The following TESK1 variants were observed in gnomAD, a reference collection of about 807,000 sequenced individuals.
TESK1 encodes the protein testis associated actin remodelling kinase 1.
Under a neutral mutation model 59.9 loss-of-function variants are expected in TESK1, and 18 were observed. The ratio of observed to expected loss-of-function variants is 0.30; its 90% CI spans 0.21 to 0.45. The LOEUF is 0.45. TESK1 is among the 20% of genes least tolerant of loss of function. The probability of loss-of-function intolerance (pLI) is 1.00; values close to 1 mark genes in which losing one functional copy is unlikely to be tolerated. For synonymous variants in TESK1, 341 were observed against 357.4 expected (o/e 0.95, Z 0.52); for missense variants, 748 against 840.9 (o/e 0.89, Z 1.37).
At position 35,610,001 on chromosome 9, in the gene TESK1, T is replaced by G; in HGVS notation, c.*259T>G. The G allele has an allele frequency of 2.3e-6, 1 of 433,052 alleles. No homozygotes were observed. The highest frequency in any genetic ancestry group is 4.1e-6 in the Non-Finnish European group (1 of 246,180). 26.8% of individuals were successfully genotyped at this position (433,052 alleles called of 1,614,324 possible). A position where few individuals can be genotyped will look rare whatever the true frequency, so the allele number is the denominator to read the frequency against. On this transcript the variant is annotated 3_prime_UTR_variant, in exon 10 of 10. Transcript: ENST00000336395. ...GTGCAATTATTTAAAAAGATTTCAATAAAACTGCCTGGCTGGCTCCGGGCC... is the reference window on the plus strand; with the variant it reads ...GTGCAATTATTTAAAAAGATTTCAAGAAAACTGCCTGGCTGGCTCCGGGCC...
In TESK1 at chr9:35,607,531, G is replaced by C. The variant is rs1211906896; in HGVS notation, c.621-51G>C. 4 of 1,579,840 alleles carry C rather than the reference G, an allele frequency of 2.5e-6. No homozygotes were observed. Among genetic ancestry groups the C allele is most frequent in the African/African-American group, 2.7e-5 (2 of 74,192 alleles). ...GTTCACCTCATCCCCTTTTGCCTGG[G>C]GGGGATGCCTGAATAGGATGCTTCT... On this transcript the variant is annotated intron_variant, in intron 5 of 9. Coordinates refer to ENST00000336395, the MANE Select transcript of TESK1 (RefSeq NM_006285.3). The surrounding 1 kb of genome is among the most constrained non-coding windows in gnomAD (Gnocchi z 4.5).
chr9:35,606,703 G>T (rs1037228462), intron 3 of TESK1, 134 bp from the exon 4 acceptor site: 10 of 721,544 alleles, frequency 1.4e-5, no homozygotes, highest in African/African-American at 5.4e-5. Context: ...GAACATGGAT[G>T]GGGGGGGTCC....
Position 35,609,271 on chromosome 9 carries a change from C to T in TESK1, c.1410C>T (p.Cys470=), listed in dbSNP as rs766145332. ...CCTCGGCTGAAGAGAAGATGGAGTG[C>T]GAGGGCAGCAGCCCTGAGCCGGAAC... is the stretch of plus-strand genomic sequence containing the variant. The part of the protein sequence containing the change: ...VGPSAEEKME[C]EGSSPEPEPP... The change falls in exon 10 of 10, where the codon TGC becomes TGT. Residue 470 remains cysteine (C), a synonymous_variant. Transcript: ENST00000336395. The surrounding 1 kb of genome is among the most constrained non-coding windows in gnomAD (Gnocchi z 6.7). The T allele has an allele frequency of 6.8e-6, 11 of 1,613,968 alleles. No individual in the cohort carries two copies. The highest frequency in any genetic ancestry group is 6.7e-5 in the African/African-American group (5 of 74,928).
In TESK1 at chr9:35,607,295, G is replaced by T. The variant is rs765676390; in HGVS notation, c.538-32G>T. 1.3e-5 allele frequency: 21 copies of T among 1,613,104 alleles called. No individual in the cohort carries two copies. Among genetic ancestry groups the T allele is most frequent in the Middle Eastern group, 1.6e-4 (1 of 6,084 alleles). ...GAGGCCAGACAGCAGAAGGTGATGA[G>T]TGCGTGGGGATACTATGTGTGTGTG... On this transcript the variant is annotated intron_variant, in intron 4 of 9. Transcript: ENST00000336395. This position sits in a 1 kb window ranked among gnomAD's most constrained non-coding sequence, Gnocchi z 4.5.
chr9:35,608,175 G>T lies in TESK1; in HGVS notation c.811G>T (p.Val271Leu). The T allele has an allele frequency of 6.2e-7, 1 of 1,614,162 alleles. No homozygotes were observed. Among genetic ancestry groups the T allele is most frequent in the Non-Finnish European group, 8.5e-7 (1 of 1,180,024 alleles). ...LPRTEDFGLD[V>L]PAFRTLVGDD... ...GTCCCCACAGGACTTTGGCCTGGAT[G>T]TGCCTGCTTTCCGAACTCTGGTGGG... Residue 271 changes from valine (V) to leucine (L), a missense_variant, in exon 8 of 10, where the codon GTG (valine) becomes TTG (leucine). Physicochemically the swap from Val to Leu is conservative, Grantham distance 32. Around this residue, in one of 3 missense-constraint regions of TESK1, gnomAD observed 168 missense variants for 257.4 expected, o/e 0.65. Coordinates refer to ENST00000336395, the MANE Select transcript of TESK1 (RefSeq NM_006285.3).
In TESK1 at chr9:35,609,065, G is replaced by A; in HGVS notation, c.1204G>A (p.Val402Ile). The A allele has an allele frequency of 6.2e-7, 1 of 1,614,160 alleles. No individual in the cohort carries two copies. Among genetic ancestry groups the A allele is most frequent in the Non-Finnish European group, 8.5e-7 (1 of 1,180,028 alleles). ...GCTCTTAGACACACCCAGCAAGCCAGTCCTGCCTCTTGTGCCACCATCACC... is the reference window on the plus strand; with the variant it reads ...GCTCTTAGACACACCCAGCAAGCCAATCCTGCCTCTTGTGCCACCATCACC... ...IKLLDTPSKP[V>I]LPLVPPSPFP... Residue 402 changes from valine (V) to isoleucine (I), a missense_variant, in exon 10 of 10, where the codon GTC becomes ATC. Coordinates refer to ENST00000336395, the MANE Select transcript of TESK1 (RefSeq NM_006285.3). The surrounding 1 kb of genome is among the most constrained non-coding windows in gnomAD (Gnocchi z 6.7).
At position 35,609,172 on chromosome 9, in the gene TESK1, A is replaced by T; in HGVS notation, c.1311A>T (p.Ser437=). ...GGACACCTGCCCGCCGCTGCCGCTC[A>T]CTACCCTCATCCCCCGAGCTCCCCC... ...QPGTPARRCR[S]LPSSPELPRR... is the part of the protein sequence containing the mutation. Residue 437 remains serine (S), a synonymous_variant, in exon 10 of 10, where the codon TCA becomes TCT. Transcript: ENST00000336395. The surrounding 1 kb of genome is among the most constrained non-coding windows in gnomAD (Gnocchi z 6.7). 1 of 1,613,530 alleles carries T rather than the reference A, an allele frequency of 6.2e-7. No individual in the cohort carries two copies. The highest frequency in any genetic ancestry group is 1.1e-5 in the South Asian group (1 of 91,086).
In TESK1 at chr9:35,605,659, G is replaced by C. The variant is rs1587894399; in HGVS notation, c.40G>C (p.Gly14Arg). 1 of 1,285,266 alleles carries C rather than the reference G, an allele frequency of 7.8e-7. No homozygotes were observed. Among genetic ancestry groups the C allele is most frequent in the Non-Finnish European group, 9.8e-7 (1 of 1,017,280 alleles). The allele number at this position is 1,285,266 out of a possible 1,614,324, so 79.6% of individuals were successfully genotyped here. ...ERPPLRGPGPGPGEVPGEGPP... is the reference protein window; with the variant it reads ...ERPPLRGPGPRPGEVPGEGPP... ...GCCCCCACTGCGGGGCCCTGGGCCC[G>C]GGCCTGGAGAGGTGCCGGGGGAGGG... is the stretch of plus-strand genomic sequence containing the variant. Residue 14 changes from glycine to arginine, a missense_variant, in exon 1 of 10, where the codon GGG (glycine) becomes CGG (arginine). Physicochemically the swap from Gly to Arg is moderately radical, Grantham distance 125 (BLOSUM62 -2). Coordinates refer to ENST00000336395, the MANE Select transcript of TESK1 (RefSeq NM_006285.3).
Position 35,607,842 on chromosome 9 carries a change from C to T in TESK1, c.712-86C>T, listed in dbSNP as rs1822879480. 6.7e-7 allele frequency: 1 copy of T among 1,497,820 alleles called. No individual in the cohort carries two copies. 92.8% of individuals were successfully genotyped at this position (1,497,820 alleles called of 1,614,324 possible). ...CATGAAAACTGTCAAGATCCCCCAC[C>T]CTCAACCAAATTCTGCTATATTCTG... On this transcript the variant is annotated intron_variant, in intron 6 of 9. Transcript: ENST00000336395. The surrounding 1 kb of genome is among the most constrained non-coding windows in gnomAD (Gnocchi z 4.5).
Position 35,607,065 on chromosome 9 carries a change from G to T in TESK1, c.537+82G>T. On this transcript the variant is annotated intron_variant, in intron 4 of 9. Coordinates refer to ENST00000336395, the MANE Select transcript of TESK1 (RefSeq NM_006285.3). This position sits in a 1 kb window ranked among gnomAD's most constrained non-coding sequence, Gnocchi z 4.5. ...ACTGGCCTGTGGATGTTGGAATATGGATAACAGATATATTAGGATGTTGGA... is the reference window on the plus strand; with the variant it reads ...ACTGGCCTGTGGATGTTGGAATATGTATAACAGATATATTAGGATGTTGGA... 6.8e-7 allele frequency: 1 copy of T among 1,462,230 alleles called. No homozygotes were observed. The highest frequency in any genetic ancestry group is 9.1e-7 in the Non-Finnish European group (1 of 1,096,092). 90.6% of individuals were successfully genotyped at this position (1,462,230 alleles called of 1,614,324 possible).
Position 35,605,682 on chromosome 9 carries a change from G to A in TESK1, c.63G>A (p.Glu21=). The A allele has an allele frequency of 6.9e-7, 1 of 1,439,530 alleles. No individual in the cohort carries two copies. The allele number at this position is 1,439,530 out of a possible 1,614,324, so 89.2% of individuals were successfully genotyped here. A position where few individuals can be genotyped will look rare whatever the true frequency, so the allele number is the denominator to read the frequency against. ...PGPGPGEVPG[E]GPPGPGGTGG... Reference sequence around the variant, plus strand: ...CCGGGCCTGGAGAGGTGCCGGGGGAGGGGCCCCCGGGGCCGGGGGGCACGG... The same window carrying A: ...CCGGGCCTGGAGAGGTGCCGGGGGAAGGGCCCCCGGGGCCGGGGGGCACGG... Residue 21 remains glutamate, a synonymous_variant, in exon 1 of 10, where the codon GAG becomes GAA. Transcript: ENST00000336395.
intron 8 of TESK1, 35 bp from the exon 9 acceptor site, chr9:35,608,360 C>T: frequency 6.2e-7 from 1 of 1,611,220 alleles, no homozygotes; most frequent in Non-Finnish European, 8.5e-7. Context: ...TCTTTCGGAG[C>T]ACTGAGTGAA....
Position 35,606,826 on chromosome 9 carries a change from C to G in TESK1, c.391-11C>G, listed in dbSNP as rs957881520. On this transcript the variant is annotated splice_polypyrimidine_tract_variant and intron_variant, in intron 3 of 9. Coordinates refer to ENST00000336395, the MANE Select transcript of TESK1 (RefSeq NM_006285.3). ...TCTGACATCTATTCCCATTCTCCTC[C>G]TATGCACCAGTATATGAATGGGGGG... The G allele has an allele frequency of 3.8e-6, 6 of 1,593,466 alleles. No individual in the cohort carries two copies. Among genetic ancestry groups the G allele is most frequent in the Non-Finnish European group, 5.1e-6 (6 of 1,170,248 alleles).
rs117549065 is a variant in TESK1 at position 35,607,904 on chromosome 9, G to C, written c.712-24G>C. The C allele has an allele frequency of 1.2e-6, 2 of 1,610,566 alleles. No individual in the cohort carries two copies. Among genetic ancestry groups the C allele is most frequent in the South Asian group, 1.1e-5 (1 of 90,664 alleles). ...AAATGAAAACTGTTAATTCTTCCCC[G>C]ACACTATTATCTCTGACCCCCAGGC... On this transcript the variant is annotated intron_variant, in intron 6 of 9. Transcript: ENST00000336395. This position sits in a 1 kb window ranked among gnomAD's most constrained non-coding sequence, Gnocchi z 4.5.
rs1364516102 is a variant in TESK1, at chr9:35,609,316, G to C, written c.1455G>C (p.Gln485His). ...CGGAACCTCCAGGGCCAGCGCCCCA[G>C]CTGCCTCTGGCTGTGGCCACAGACA... ...PEPEPPGPAP[Q>H]LPLAVATDNF... Residue 485 changes from glutamine (Q) to histidine (H), a missense_variant, in exon 10 of 10, where the codon CAG (glutamine) becomes CAC (histidine). Gln to His is a conservative substitution (Grantham distance 24, BLOSUM62 0). Transcript: ENST00000336395. This position sits in a 1 kb window ranked among gnomAD's most constrained non-coding sequence, Gnocchi z 6.7. 1.9e-6 allele frequency: 3 copies of C among 1,613,682 alleles called. No individual in the cohort carries two copies. In the Admixed American group the frequency reaches 5.0e-5, roughly 27 times the overall value.
chr9:35,606,423 T>G lies in TESK1; in HGVS notation c.390+138T>G, dbSNP rs185447223. 5.3e-5 allele frequency: 53 copies of G among 1,007,080 alleles called. No individual in the cohort carries two copies. The African/African-American group carries it at 7.7e-4, about 15-fold the overall frequency. The allele number at this position is 1,007,080 out of a possible 1,614,324, so 62.4% of individuals were successfully genotyped here. A position where few individuals can be genotyped will look rare whatever the true frequency, so the allele number is the denominator to read the frequency against. ...TCTCAGGGGAGGCTTTCCTGAACTT[T>G]CCTTTAGGCAAACCACATATAAAAG... On this transcript the variant is annotated intron_variant, in intron 3 of 9. Transcript: ENST00000336395.
In TESK1 at chr9:35,606,814, C is replaced by T. The variant is rs1409087058; in HGVS notation, c.391-23C>T. 9 of 1,578,184 alleles carry T rather than the reference C, an allele frequency of 5.7e-6. No individual in the cohort carries two copies. In the South Asian group the frequency reaches 6.9e-5, roughly 12 times the overall value. On this transcript the variant is annotated intron_variant, in intron 3 of 9. Transcript: ENST00000336395. Reference sequence around the variant, plus strand: ...TACAGACTGAAGTCTGACATCTATTCCCATTCTCCTCCTATGCACCAGTAT... The same window carrying T: ...TACAGACTGAAGTCTGACATCTATTTCCATTCTCCTCCTATGCACCAGTAT...
rs1406618712 is a variant in TESK1, at chr9:35,608,962, A to AC, written c.1107dup (p.Asn370GlnfsTer96). On this transcript the variant is annotated frameshift_variant, in exon 10 of 10. Transcript: ENST00000336395. LOFTEE classifies it high-confidence loss of function. ...TCTTCCTGCCCCCATCACCAGAATC[A>AC]CCCCCCAACTGGGGGGACAATCTGA... 3.1e-6 allele frequency: 5 copies of AC among 1,613,120 alleles called. No individual in the cohort carries two copies. Among genetic ancestry groups the AC allele is most frequent in the Non-Finnish European group, 4.2e-6 (5 of 1,179,810 alleles).
chr9:35,609,874 C>A lies in TESK1; in HGVS notation c.*132C>A. ...TTCTCCCCGTGTAGGGGAGCCCCAG[C>A]ATGGACTCAAGGGACAGAGCACTTC... On this transcript the variant is annotated 3_prime_UTR_variant, in exon 10 of 10. Transcript: ENST00000336395. The surrounding 1 kb of genome is among the most constrained non-coding windows in gnomAD (Gnocchi z 6.7). The A allele has an allele frequency of 8.7e-7, 1 of 1,148,516 alleles. No individual in the cohort carries two copies. The allele number at this position is 1,148,516 out of a possible 1,614,324, so 71.1% of individuals were successfully genotyped here.
Sources: gnomAD v4.1 joint callset for allele counts on GRCh38, gnomAD v4.1.1 for gene constraint, gnomAD v4.1.1 regional missense constraint, Gnocchi (gnomAD v3.1) non-coding constraint, MANE v1.5 for transcripts, NCBI Gene and HGNC (gene_info 2026-07-23, HGNC 2026-07-21) for gene names.